Variants in PLD5 observed in about 807,000 individuals in gnomAD.
PLD5 encodes the protein phospholipase D family member 5, also known as inactive phospholipase D5.
PLD5 carries 36 observed loss-of-function variants against 61.1 expected under a neutral mutation model. The ratio of observed to expected loss-of-function variants is 0.59; its 90% confidence interval spans 0.45 to 0.78. The LOEUF is 0.78. Among genes scored for constraint, PLD5 ranks in the 30% least tolerant of loss-of-function variants. PLD5 has a pLI of 0.00. For synonymous variants in PLD5, 243 were observed against 242.8 expected, an observed-to-expected ratio of 1.00 and a Z score of -0.01; for missense variants, 515 against 644.4, an observed-to-expected ratio of 0.80 and a Z score of 2.17.
At chr1:242,326,770 G>A (rs1038043563) in intron 2 of PLD5, among the ~76,000 whole-genome samples, 1 of 151,946 alleles carries the variant, frequency 6.6e-6, no homozygotes, top group Non-Finnish European at 1.5e-5. Context: ...GCAGTGGCAT[G>A]ATCACAGCTC....
chr1:242,358,469 T>C (rs1186752677), intron 1 of PLD5, among the ~76,000 whole-genome samples: 5 of 151,940 alleles, frequency 3.3e-5, no homozygotes, highest in Non-Finnish European at 7.4e-5. Flanking sequence ...AGGCAGAGCT[T>C]GCATTCAGGT....
intron 2 of PLD5, among the ~76,000 whole-genome samples, chr1:242,309,860 T>C (rs1327074986): frequency 2.6e-5 from 1 of 38,932 alleles, no homozygotes; most frequent in African/African-American, 4.7e-5. Flanking sequence ...ATAAATAATT[T>C]ATTGAGTTTT....
chr1:242,228,325 T>C (rs1316475394), intron 4 of PLD5, among the ~76,000 whole-genome samples: 1 of 152,230 alleles, frequency 6.6e-6, no homozygotes, highest in Non-Finnish European at 1.5e-5. Flanking sequence ...GTTGATGTTA[T>C]GTGCAGCGTA....
chr1:242,184,079 C>T (rs956660058), intron 5 of PLD5, among the ~76,000 whole-genome samples: 9 of 152,162 alleles, frequency 5.9e-5, no homozygotes, highest in African/African-American at 1.9e-4. Flanking sequence ...ACCTGTTCAG[C>T]ACTGCACAGC....
At chr1:242,451,617 G>T (rs1244674485) in intron 1 of PLD5, among the ~76,000 whole-genome samples, 1 of 151,786 alleles carries the variant, frequency 6.6e-6, no homozygotes, top group Non-Finnish European at 1.5e-5. Context: ...ACGCTGCCAT[G>T]CCTGGCTAAT....
intron 2 of PLD5, among the ~76,000 whole-genome samples, chr1:242,313,099 T>C (rs568711723): frequency 1.7e-4 from 26 of 152,374 alleles, no homozygotes; most frequent in African/African-American, 6.0e-4. Flanking sequence ...GCACAGACTT[T>C]GCATGTAGGA....
chr1:242,281,158 T>G (rs1276560258), intron 3 of PLD5, among the ~76,000 whole-genome samples: 1 of 152,212 alleles, frequency 6.6e-6, no homozygotes, highest in Non-Finnish European at 1.5e-5. Flanking sequence ...TAGAAAATGT[T>G]AATAATATCA....
intron 2 of PLD5, among the ~76,000 whole-genome samples, chr1:242,322,056 C>T (rs1329720269): frequency 6.6e-6 from 1 of 152,114 alleles, no homozygotes; most frequent in Non-Finnish European, 1.5e-5. Flanking sequence ...ACAAAAATTC[C>T]ACAGACCATC....
At chr1:242,119,511 CTT>C (rs1662206696) in intron 6 of PLD5, among the ~76,000 whole-genome samples, 1 of 151,782 alleles carries the variant, frequency 6.6e-6, no homozygotes, top group Non-Finnish European at 1.5e-5. Context: ...TTTTAAATAA[CTT>C]AATTTAAATG....
chr1:242,252,207 G>A (rs1201844720), intron 4 of PLD5, among the ~76,000 whole-genome samples: 2 of 152,196 alleles, frequency 1.3e-5, no homozygotes, highest in East Asian at 3.9e-4. Context: ...ATAGGCCATG[G>A]CCAAGGTTCA....
chr1:242,091,238 G>T (rs1012281337), intron 9 of PLD5, among the ~76,000 whole-genome samples: 2 of 152,162 alleles, frequency 1.3e-5, no homozygotes, highest in South Asian at 4.1e-4. Context: ...GGTACTGGGG[G>T]TTAGGACTTC....
At chr1:242,375,581 C>CTA (rs1325261895) in intron 1 of PLD5, among the ~76,000 whole-genome samples, 2 of 152,020 alleles carry the variant, frequency 1.3e-5, no homozygotes, top group South Asian at 4.1e-4. Context: ...ATGCAAGTAT[C>CTA]TATATATACA....
At chr1:242,504,245 G>A (rs1021820647) in intron 1 of PLD5, among the ~76,000 whole-genome samples, 3 of 152,186 alleles carry the variant, frequency 2.0e-5, no homozygotes, top group African/African-American at 7.2e-5. Flanking sequence ...AACCCAAAAT[G>A]TGTTGTTTTC....
rs1218450407 is a variant in PLD5, at chr1:242,114,417, G to A, written c.934-391C>T. On this transcript the variant is annotated intron_variant, in intron 6 of 9. Coordinates refer to ENST00000536534, the MANE Select transcript of PLD5 (RefSeq NM_001372062.1). ...TCAAACTTTATCATTTCTTTGTATT[G>A]GAAACATTCAATATCTTCCTTCTAA... is the stretch of plus-strand genomic sequence containing the variant. Among the ~76,000 whole-genome samples, 3 of 151,940 alleles carry A rather than the reference G, an allele frequency of 2.0e-5. No individual in the cohort carries two copies. In the East Asian group the frequency reaches 5.8e-4, roughly 29 times the overall value.
At chr1:242,461,092 G>A (rs1377020635) in intron 1 of PLD5, among the ~76,000 whole-genome samples, 1 of 152,198 alleles carries the variant, frequency 6.6e-6, no homozygotes, top group Non-Finnish European at 1.5e-5. Flanking sequence ...AGTGAGCCAA[G>A]ATCGCGCCAG....
Position 242,327,386 on chromosome 1 carries a change from T to C in PLD5, c.326+20720A>G, listed in dbSNP as rs545616451. Reference sequence around the variant, plus strand: ...TGGATTCCTTCAGTAAATGAGTAAATAGAATAATATTTTGACAATATAGAG... The same window carrying C: ...TGGATTCCTTCAGTAAATGAGTAAACAGAATAATATTTTGACAATATAGAG... On this transcript the variant is annotated intron_variant, in intron 2 of 9. Coordinates refer to ENST00000536534, the MANE Select transcript of PLD5 (RefSeq NM_001372062.1). 1.3e-4 allele frequency among the ~76,000 whole-genome samples: 20 copies of C among 152,300 alleles called. 1 individual carries two copies. The highest frequency in any genetic ancestry group is 5.8e-4 in the East Asian group (3 of 5,176).
At chr1:242,497,537 C>T (rs1459784798) in intron 1 of PLD5, among the ~76,000 whole-genome samples, 1 of 152,140 alleles carries the variant, frequency 6.6e-6, no homozygotes. Context: ...GTGGACTGAG[C>T]CATCCATTGG....
At chr1:242,186,990 T>C (rs1667945374) in intron 5 of PLD5, among the ~76,000 whole-genome samples, 1 of 152,202 alleles carries the variant, frequency 6.6e-6, no homozygotes, top group Non-Finnish European at 1.5e-5. Context: ...AAGTAATACA[T>C]GCATATTATC....
chr1:242,277,023 G>C (rs1287509132), intron 3 of PLD5, among the ~76,000 whole-genome samples: 4 of 152,100 alleles, frequency 2.6e-5, no homozygotes, highest in African/African-American at 2.4e-5. Context: ...TCAGAAGCAG[G>C]AGGCTGGTAA....
Sources: allele counts gnomAD v4.1 joint callset (sites outside exome capture counted in the v4.1 genomes callset), GRCh38; gene constraint gnomAD v4.1.1; transcripts MANE v1.5; gene names NCBI Gene and HGNC (gene_info 2026-07-23, HGNC 2026-07-21).